The following RORA variants were observed in gnomAD, a reference collection of about 807,000 sequenced individuals.
The protein encoded by RORA is nuclear receptor ROR-alpha.
In RORA, 7 loss-of-function variants were observed where a neutral mutation model predicts 69.5. The observed-to-expected ratio is 0.10, with a 90% CI of 0.06 to 0.19. RORA has a LOEUF of 0.19. Among genes scored for constraint, RORA ranks in the 10% least tolerant of loss-of-function variants. The pLI is 1.00. For synonymous variants in RORA, 261 were observed against 240.8 expected, an observed-to-expected ratio of 1.08 and a Z score of -0.78; for missense variants, 457 against 663.0, an observed-to-expected ratio of 0.69 and a Z score of 3.41.
intron 1 of RORA, among the ~76,000 whole-genome samples, chr15:60,770,605 C>A (rs748342260): frequency 1.3e-5 from 2 of 152,126 alleles, no homozygotes; most frequent in Non-Finnish European, 2.9e-5. Flanking sequence ...AGGTTTCGTG[C>A]TCCTTTACGT....
rs78818115 is a variant in RORA at position 60,864,427 on chromosome 15, C to T, written c.167-185741G>A. Among the ~76,000 whole-genome samples, 1,254 of 151,118 alleles carry T rather than the reference C, an allele frequency of 8.3e-3. 22 individuals carry two copies. The highest frequency in any genetic ancestry group is 0.029 in the African/African-American group (1,196 of 41,216). On this transcript the variant is annotated intron_variant, in intron 1 of 10. Transcript: ENST00000335670. The stretch of plus-strand genomic sequence containing the variant: ...TATTGGCCATAATTTTTCACAGTTT[C>T]GATGGGGACTTAGTGACAGCCCAAC...
chr15:60,863,140 G>C (rs2073450686), intron 1 of RORA, among the ~76,000 whole-genome samples: 1 of 152,150 alleles, frequency 6.6e-6, no homozygotes, highest in South Asian at 2.1e-4. Context: ...TGGAATATTA[G>C]GGCCAATCTT....
chr15:60,614,901 C>T lies in RORA; in HGVS notation c.196+63756G>A, dbSNP rs340022. On this transcript the variant is annotated intron_variant, in intron 2 of 10. Coordinates refer to ENST00000335670, the MANE Select transcript of RORA (RefSeq NM_134261.3). ...AGCTCTCAAATAACGCACCTTTTCT[C>T]AATGCAGGGAGCAGAAAAGAGAAGA... 212 of 1,612,342 alleles carry T rather than the reference C, an allele frequency of 1.3e-4. No homozygotes were observed. The African/African-American group carries it at 2.6e-3, about 20-fold the overall frequency.
At chr15:60,583,569 G>T (rs951941655) in intron 2 of RORA, among the ~76,000 whole-genome samples, 2 of 152,174 alleles carry the variant, frequency 1.3e-5, no homozygotes, top group African/African-American at 4.8e-5. Context: ...ACGAAAAGGA[G>T]TACAGTATTT....
intron 1 of RORA, among the ~76,000 whole-genome samples, chr15:60,890,229 A>G (rs575543374): frequency 2.0e-5 from 3 of 152,188 alleles, no homozygotes; most frequent in African/African-American, 7.2e-5. Flanking sequence ...CTTATTTTAC[A>G]TGTGGGAAAA....
intron 1 of RORA, chr15:60,706,365 G>A (rs1267648731): frequency 1.3e-5 from 2 of 152,164 alleles, no homozygotes; most frequent in Non-Finnish European, 2.9e-5. Flanking sequence ...GTTTCTCATT[G>A]TCCTTTTACG....
chr15:61,020,819 T>C (rs1895486669), intron 1 of RORA, among the ~76,000 whole-genome samples: 1 of 152,208 alleles, frequency 6.6e-6, no homozygotes, highest in African/African-American at 2.4e-5. Flanking sequence ...CCTGAGGACA[T>C]TTTAGGCCCC....
intron 2 of RORA, among the ~76,000 whole-genome samples, chr15:60,583,320 G>A (rs564537079): frequency 3.3e-5 from 5 of 152,226 alleles, no homozygotes; most frequent in African/African-American, 1.2e-4. Context: ...GTGCTAAACA[G>A]GAAGCACTGA....
At chr15:61,082,317 C>T (rs1277743461) in intron 1 of RORA, among the ~76,000 whole-genome samples, 1 of 152,112 alleles carries the variant, frequency 6.6e-6, no homozygotes, top group Non-Finnish European at 1.5e-5. Context: ...GGTGAAGCCC[C>T]GTCTCTACTA....
At chr15:61,183,858 C>A (rs983664796) in intron 1 of RORA, among the ~76,000 whole-genome samples, 2 of 152,046 alleles carry the variant, frequency 1.3e-5, no homozygotes, top group South Asian at 2.1e-4. Flanking sequence ...AGTCTCATGT[C>A]CTCCTTTCAT....
At chr15:60,912,337 G>A (rs1009529777) in intron 1 of RORA, among the ~76,000 whole-genome samples, 10 of 152,072 alleles carry the variant, frequency 6.6e-5, no homozygotes, top group Non-Finnish European at 1.5e-4. Context: ...TGACAGGATC[G>A]CTTGAGCCCA....
chr15:60,595,916 C>T (rs1037233066), intron 2 of RORA, among the ~76,000 whole-genome samples: 1 of 152,150 alleles, frequency 6.6e-6, no homozygotes, highest in African/African-American at 2.4e-5. Context: ...CTGGGTTCCA[C>T]ACTGAGTCTG....
At chr15:61,205,950 A>G (rs1197616971) in intron 1 of RORA, among the ~76,000 whole-genome samples, 1 of 152,114 alleles carries the variant, frequency 6.6e-6, no homozygotes, top group Non-Finnish European at 1.5e-5. Context: ...CTGGACTCAG[A>G]CTCAGCAACT....
At chr15:61,122,688 T>A (rs1035609660) in intron 1 of RORA, among the ~76,000 whole-genome samples, 2 of 152,090 alleles carry the variant, frequency 1.3e-5, no homozygotes, top group South Asian at 4.1e-4. Context: ...AAGGGGTGGA[T>A]CTTTTTAAGA....
intron 1 of RORA, among the ~76,000 whole-genome samples, chr15:61,062,484 G>C (rs1040980193): frequency 6.6e-6 from 1 of 152,160 alleles, no homozygotes; most frequent in Non-Finnish European, 1.5e-5. Flanking sequence ...AGAGGTCTCA[G>C]AGGAGGGAAA....
rs144367365 is a variant in RORA at position 60,565,468 on chromosome 15, G to A, written c.197-33617C>T. On this transcript the variant is annotated intron_variant, in intron 2 of 10. Coordinates refer to ENST00000335670, the MANE Select transcript of RORA (RefSeq NM_134261.3). The stretch of plus-strand genomic sequence containing the variant: ...AAATAAATTGCATTTGTCCAATATC[G>A]TCCCATCTATATCACATTTATTCCA... Among the ~76,000 whole-genome samples, 90 of 152,200 alleles carry A rather than the reference G, an allele frequency of 5.9e-4. No homozygotes were observed. The East Asian group carries it at 0.015, about 25-fold the overall frequency.
chr15:60,639,847 A>G (rs1043776385), intron 2 of RORA, among the ~76,000 whole-genome samples: 3 of 152,202 alleles, frequency 2.0e-5, no homozygotes, highest in African/African-American at 4.8e-5. Flanking sequence ...TGACATGGGA[A>G]GATGTGCAGT....
intron 1 of RORA, among the ~76,000 whole-genome samples, chr15:61,160,262 A>C (rs1273213726): frequency 6.6e-6 from 1 of 152,232 alleles, no homozygotes; most frequent in Non-Finnish European, 1.5e-5. Context: ...ACTGATGCTC[A>C]TAAAGCGGTT....
intron 1 of RORA, among the ~76,000 whole-genome samples, chr15:61,093,797 T>C (rs189392802): frequency 6.6e-6 from 1 of 152,310 alleles, no homozygotes; most frequent in South Asian, 2.1e-4. Flanking sequence ...TTTCTCTTGT[T>C]CCACAAGGTC....
Sources: allele counts gnomAD v4.1 joint callset (sites outside exome capture counted in the v4.1 genomes callset), GRCh38; gene constraint gnomAD v4.1.1; transcripts MANE v1.5; gene names NCBI Gene and HGNC (gene_info 2026-07-23, HGNC 2026-07-21).